CFAP57: variants seen among roughly 807,000 people sequenced by gnomAD.
CFAP57 encodes the protein cilia and flagella associated protein 57, also known as cilia- and flagella-associated protein 57.
Under a neutral mutation model 146.8 loss-of-function variants are expected in CFAP57, and 116 were observed. The observed-to-expected ratio is 0.79, with a 90% CI of 0.68 to 0.92. The LOEUF is 0.92. Ranked by LOEUF, CFAP57 falls within the 40% of genes least tolerant of loss-of-function variation. The pLI, the probability that CFAP57 is intolerant of heterozygous loss-of-function variation, is 0.00. For synonymous variants in CFAP57, 518 were observed against 552.8 expected, an observed-to-expected ratio of 0.94 and a Z score of 0.88; for missense variants, 1,377 against 1,527.2, an observed-to-expected ratio of 0.90 and a Z score of 1.64.
chr1:43,181,805 A>G lies in CFAP57; in HGVS notation c.429A>G (p.Val143=). ...ACTGGCTGTGGGAAAAACAGAAAGT[A>G]ATGGCCATTGTTAGAATCGACACTC... ...LVYWLWEKQK[V]MAIVRIDTQN... Residue 143 remains valine (V), a synonymous_variant, in exon 3 of 23, where the codon GTA becomes GTG. Coordinates refer to ENST00000372492, the MANE Select transcript of CFAP57 (RefSeq NM_001378189.1). 1 of 1,614,196 alleles carries G rather than the reference A, an allele frequency of 6.2e-7. No homozygotes were observed. The highest frequency in any genetic ancestry group is 8.5e-7 in the Non-Finnish European group (1 of 1,180,034).
intron 2 of CFAP57, among the ~76,000 whole-genome samples, chr1:43,174,226 C>T (rs1408381899): frequency 6.6e-6 from 1 of 151,940 alleles, no homozygotes; most frequent in East Asian, 1.9e-4. Context: ...CATTTTTCTC[C>T]CATCTTACAA....
At chr1:43,235,935 G>A (rs942191097) in intron 21 of CFAP57, among the ~76,000 whole-genome samples, 7 of 152,178 alleles carry the variant, frequency 4.6e-5, no homozygotes, top group Non-Finnish European at 7.4e-5. Context: ...AGCAAACATC[G>A]ATGTAGGAGG....
intron 11 of CFAP57, 38 bp downstream of exon 11, chr1:43,209,954 C>T: frequency 6.2e-7 from 1 of 1,613,856 alleles, no homozygotes; most frequent in Non-Finnish European, 8.5e-7. Context: ...CAGTCCCACA[C>T]CTGCCTGCTA....
intron 11 of CFAP57, chr1:43,210,288 G>A: frequency 1.1e-5 from 16 of 1,436,434 alleles, no homozygotes; most frequent in South Asian, 1.5e-5. Flanking sequence ...CTGAAGATTG[G>A]CCCCTACCTC....
intron 22 of CFAP57, 141 bp downstream of exon 22, chr1:43,243,500 C>T (rs924561849): frequency 2.2e-6 from 2 of 897,178 alleles, no homozygotes; most frequent in African/African-American, 3.4e-5. Flanking sequence ...GGGCACACAC[C>T]TGCTCTTTGA....
rs541623146 is a variant in CFAP57 at position 43,235,725 on chromosome 1, A to T, written c.3405+1087A>T. Among the ~76,000 whole-genome samples, 9 of 152,300 alleles carry T rather than the reference A, an allele frequency of 5.9e-5. No individual in the cohort carries two copies. The South Asian group carries it at 1.9e-3, about 32-fold the overall frequency. On this transcript the variant is annotated intron_variant, in intron 21 of 22. Transcript: ENST00000372492. Reference sequence around the variant, plus strand: ...AGCCCTGAGACACCAGCAGCCGCACACTGAGCCACTGCTTAGGGCCTGGAG... The same window carrying T: ...AGCCCTGAGACACCAGCAGCCGCACTCTGAGCCACTGCTTAGGGCCTGGAG...
intron 12 of CFAP57, among the ~76,000 whole-genome samples, chr1:43,217,686 T>G (rs1056523837): frequency 1.3e-5 from 2 of 152,118 alleles, no homozygotes; most frequent in Non-Finnish European, 2.9e-5. Flanking sequence ...CCAAACCCTG[T>G]CTGTCTCTCG....
intron 6 of CFAP57, among the ~76,000 whole-genome samples, chr1:43,189,447 A>G (rs1247157771): frequency 2.0e-5 from 3 of 152,154 alleles, no homozygotes; most frequent in Non-Finnish European, 4.4e-5. Context: ...TCAGAGTATA[A>G]CTTTTGCACT....
intron 12 of CFAP57, among the ~76,000 whole-genome samples, chr1:43,216,248 G>A (rs1418596291): frequency 2.0e-5 from 3 of 152,208 alleles, no homozygotes; most frequent in African/African-American, 7.2e-5. Flanking sequence ...GAAGCTTACA[G>A]TCAAGTGAGG....
At chr1:43,232,429 C>G in intron 18 of CFAP57, 79 bp from the exon 19 acceptor site, 13 of 1,248,732 alleles carry the variant, frequency 1.0e-5, no homozygotes, top group Non-Finnish European at 1.5e-5. Flanking sequence ...GGCATCCCCA[C>G]TGAAAGACTA....
chr1:43,202,369 C>G (rs12034998), intron 9 of CFAP57, among the ~76,000 whole-genome samples: 27,340 of 151,958 alleles, frequency 0.18, 3,561 homozygotes, highest in African/African-American at 0.34. Context: ...TCTTTGAAAA[C>G]ACGAAATAGA....
chr1:43,214,265 A>G (rs1375095517), intron 11 of CFAP57, among the ~76,000 whole-genome samples: 2 of 152,044 alleles, frequency 1.3e-5, no homozygotes, highest in African/African-American at 2.4e-5. Flanking sequence ...GGTATTCTGG[A>G]TATTGGTCTT....
chr1:43,174,218 T>C (rs999364194), intron 2 of CFAP57, among the ~76,000 whole-genome samples: 3 of 152,208 alleles, frequency 2.0e-5, no homozygotes, highest in African/African-American at 4.8e-5. Flanking sequence ...GTTTGGGGCA[T>C]TTTTCTCCCA....
chr1:43,216,726 G>T (rs613560), intron 12 of CFAP57, among the ~76,000 whole-genome samples: 24,525 of 151,928 alleles, frequency 0.16, 3,019 homozygotes, highest in African/African-American at 0.32. Context: ...CTCTTCCTCC[G>T]CCTGTCCCTT....
Position 43,222,883 on chromosome 1 carries a change from G to A in CFAP57, c.2592G>A (p.Glu864=). Residue 864 remains glutamate (E), a synonymous_variant, in exon 16 of 23, where the codon GAG becomes GAA. Transcript: ENST00000372492. ...TTGAAGAGACCAAGAAGCAGATTGA[G>A]GAAGATGAAGACCGAGAAATCCAAG... ...REFEETKKQI[E]EDEDREIQDI... is the part of the protein sequence containing the mutation. The A allele has an allele frequency of 6.4e-7, 1 of 1,550,426 alleles. No homozygotes were observed. The highest frequency in any genetic ancestry group is 8.7e-7 in the Non-Finnish European group (1 of 1,146,844).
intron 6 of CFAP57, among the ~76,000 whole-genome samples, chr1:43,196,906 T>C (rs1245947909): frequency 6.6e-6 from 1 of 152,184 alleles, no homozygotes; most frequent in Admixed American, 6.5e-5. Flanking sequence ...ATACAAAGAC[T>C]TGTGCAAGGA....
At chr1:43,231,842 C>T (rs1645484270) in intron 18 of CFAP57, among the ~76,000 whole-genome samples, 13 of 152,194 alleles carry the variant, frequency 8.5e-5, no homozygotes, top group Admixed American at 8.5e-4. Flanking sequence ...CACTGCACTC[C>T]AGCCTCGGCA....
Position 43,183,697 on chromosome 1 carries a change from G to A in CFAP57, c.581G>A (p.Arg194Lys). The A allele has an allele frequency of 6.2e-7, 1 of 1,614,214 alleles. No homozygotes were observed. Among genetic ancestry groups the A allele is most frequent in the Non-Finnish European group, 8.5e-7 (1 of 1,180,044 alleles). ...EGTLKQTSFQ[R>K]GEPQNYLAHT... ...ACCCTGAAGCAAACCAGCTTTCAGA[G>A]GGGAGAACCCCAAAACTATCTAGCT... Residue 194 changes from arginine to lysine, a missense_variant, in exon 4 of 23, where the codon AGG becomes AAG. Physicochemically the swap from Arg to Lys is conservative, Grantham distance 26. Coordinates refer to ENST00000372492, the MANE Select transcript of CFAP57 (RefSeq NM_001378189.1).
At chr1:43,240,899 A>G (rs990634216) in intron 21 of CFAP57, among the ~76,000 whole-genome samples, 33 of 152,314 alleles carry the variant, frequency 2.2e-4, no homozygotes, top group African/African-American at 7.5e-4. Context: ...CAGTGGCACG[A>G]TCTCGGCTCA....
Sources: allele counts gnomAD v4.1 joint callset (sites outside exome capture counted in the v4.1 genomes callset), GRCh38; gene constraint gnomAD v4.1.1; transcripts MANE v1.5; gene names NCBI Gene and HGNC (gene_info 2026-07-23, HGNC 2026-07-21).